GSK3B: variants seen among roughly 807,000 people sequenced by gnomAD.
GSK3B encodes the protein glycogen synthase kinase 3 beta.
In GSK3B, 15 loss-of-function variants were observed where a neutral mutation model predicts 56.4. That is an observed-to-expected ratio of 0.27 (90% CI 0.18 to 0.41). The LOEUF is 0.41. GSK3B is among the 10% of genes least tolerant of loss of function. The pLI, the probability that GSK3B is intolerant of heterozygous loss-of-function variation, is 1.00. For missense variants in GSK3B, 300 were observed against 513.4 expected (o/e 0.58, Z 4.02); for synonymous variants, 181 against 188.9 (o/e 0.96, Z 0.34).
intron 1 of GSK3B, among the ~76,000 whole-genome samples, chr3:120,089,291 T>A (rs139645731): frequency 1.5e-3 from 232 of 152,352 alleles, no homozygotes; most frequent in Middle Eastern, 3.4e-3. Flanking sequence ...CAAGAAAGCA[T>A]GCAATTCTTA....
chr3:120,072,184 A>G (rs996415231), intron 1 of GSK3B, among the ~76,000 whole-genome samples: 4 of 152,214 alleles, frequency 2.6e-5, no homozygotes, highest in African/African-American at 9.7e-5. Context: ...ACACTCATCA[A>G]CTAAGAAAAG....
At chr3:120,033,404 T>C (rs1400853948) in intron 1 of GSK3B, among the ~76,000 whole-genome samples, 1 of 152,232 alleles carries the variant, frequency 6.6e-6, no homozygotes, top group African/African-American at 2.4e-5. Flanking sequence ...CAGATTGTTT[T>C]CCAAAACAGC....
chr3:120,066,177 A>G (rs2058277044), intron 1 of GSK3B, among the ~76,000 whole-genome samples: 1 of 152,178 alleles, frequency 6.6e-6, no homozygotes, highest in South Asian at 2.1e-4. Context: ...GTCCACTAAA[A>G]GATCCTAAAA....
chr3:120,088,461 C>T (rs1175915531), intron 1 of GSK3B, among the ~76,000 whole-genome samples: 1 of 152,162 alleles, frequency 6.6e-6, no homozygotes, highest in Non-Finnish European at 1.5e-5. Flanking sequence ...TTATACATTA[C>T]ACTCAACAAA....
chr3:119,928,935 A>G (rs1462235508), intron 3 of GSK3B, among the ~76,000 whole-genome samples: 12 of 152,188 alleles, frequency 7.9e-5, no homozygotes, highest in Admixed American at 7.2e-4. Flanking sequence ...TACCTAACAC[A>G]CAATAAAGAC....
intron 1 of GSK3B, among the ~76,000 whole-genome samples, chr3:120,057,700 A>C (rs1240506695): frequency 6.6e-6 from 1 of 152,202 alleles, no homozygotes; most frequent in African/African-American, 2.4e-5. Flanking sequence ...TGTGCCTAGA[A>C]ATTTTAGGTA....
At chr3:120,078,394 G>T (rs913454031) in intron 1 of GSK3B, among the ~76,000 whole-genome samples, 7 of 152,040 alleles carry the variant, frequency 4.6e-5, no homozygotes, top group African/African-American at 1.7e-4. Context: ...CTGTCTCTGG[G>T]TCTTCTTTTC....
chr3:119,902,638 C>G (rs1402618065), intron 7 of GSK3B, among the ~76,000 whole-genome samples: 2 of 152,182 alleles, frequency 1.3e-5, no homozygotes, highest in African/African-American at 4.8e-5. Context: ...CTCAAGTGAT[C>G]TGCGCACCTC....
rs544870502 is a variant in GSK3B, at chr3:120,051,013, T to C, written c.88+42334A>G. Among the ~76,000 whole-genome samples, 3 of 152,238 alleles carry C rather than the reference T, an allele frequency of 2.0e-5. No individual in the cohort carries two copies. The South Asian group carries it at 6.2e-4, about 32-fold the overall frequency. On this transcript the variant is annotated intron_variant, in intron 1 of 10. Transcript: ENST00000264235. ...GAAAAGCAGTTTGAGTGAAGTGTTA[T>C]GGGTCACTGTAGCTAAATTAAACTA...
intron 7 of GSK3B, among the ~76,000 whole-genome samples, chr3:119,888,631 CA>C (rs2056466824): frequency 6.6e-6 from 1 of 152,024 alleles, no homozygotes; most frequent in Non-Finnish European, 1.5e-5. Flanking sequence ...AACAGAATAA[CA>C]GCAATTTTCA....
chr3:119,896,921 C>T (rs891112899), intron 7 of GSK3B, among the ~76,000 whole-genome samples: 2 of 152,094 alleles, frequency 1.3e-5, no homozygotes, highest in African/African-American at 4.8e-5. Context: ...CAACCCTGCA[C>T]AAGAATCTGC....
intron 1 of GSK3B, among the ~76,000 whole-genome samples, chr3:120,088,738 G>A (rs1418583515): frequency 6.6e-6 from 1 of 152,168 alleles, no homozygotes; most frequent in African/African-American, 2.4e-5. Context: ...GGGGAACCCG[G>A]TTGGTCCTGT....
chr3:119,946,221 G>A (rs770250822), intron 3 of GSK3B, among the ~76,000 whole-genome samples: 7 of 151,638 alleles, frequency 4.6e-5, no homozygotes, highest in Admixed American at 6.6e-5. Context: ...ATCAAAATTC[G>A]GGCTTAATAC....
Position 119,821,440 on chromosome 3 carries a change from A to T in GSK3B, c.*5348T>A, listed in dbSNP as rs981764346. 1 of 152,212 alleles carries T rather than the reference A, an allele frequency of 6.6e-6. No homozygotes were observed. The highest frequency in any genetic ancestry group is 2.4e-5 in the African/African-American group (1 of 41,432). 9.4% of individuals were successfully genotyped at this position (152,212 alleles called of 1,614,324 possible). ...ATGATGTTTCTTTTTGCACTAAGAGACATAACATGTTTACATACATCATCC... is the reference window on the plus strand; with the variant it reads ...ATGATGTTTCTTTTTGCACTAAGAGTCATAACATGTTTACATACATCATCC... On this transcript the variant is annotated 3_prime_UTR_variant, in exon 11 of 11. Coordinates refer to ENST00000264235, the MANE Select transcript of GSK3B (RefSeq NM_001146156.2).
chr3:119,967,473 A>C (rs2057327985), intron 2 of GSK3B, among the ~76,000 whole-genome samples: 1 of 152,230 alleles, frequency 6.6e-6, no homozygotes, highest in Non-Finnish European at 1.5e-5. Context: ...TCTTGTAAAG[A>C]AGAAGTTGGA....
chr3:120,028,251 T>A (rs2057944511), intron 1 of GSK3B, among the ~76,000 whole-genome samples: 1 of 152,190 alleles, frequency 6.6e-6, no homozygotes, highest in Non-Finnish European at 1.5e-5. Context: ...GACTGTCCAT[T>A]TAAATAACAA....
At chr3:119,988,072 A>G (rs746198108) in intron 2 of GSK3B, among the ~76,000 whole-genome samples, 1 of 152,228 alleles carries the variant, frequency 6.6e-6, no homozygotes, top group Non-Finnish European at 1.5e-5. Flanking sequence ...ATAATCAGCT[A>G]TAAAGCTCTA....
intron 9 of GSK3B, among the ~76,000 whole-genome samples, chr3:119,859,746 G>C (rs1045570328): frequency 6.6e-6 from 1 of 151,306 alleles, no homozygotes. Flanking sequence ...TGCTTTTCTC[G>C]TGTCCAGATA....
chr3:119,981,002 A>G (rs192693200), intron 2 of GSK3B, among the ~76,000 whole-genome samples: 8 of 152,350 alleles, frequency 5.3e-5, no homozygotes, highest in Admixed American at 5.2e-4. Flanking sequence ...TGTATAATTT[A>G]AAAGTAATTA....
Sources: gnomAD v4.1 joint callset for allele counts (sites outside exome capture counted in the v4.1 genomes callset) on GRCh38, gnomAD v4.1.1 for gene constraint, MANE v1.5 for transcripts, NCBI Gene and HGNC (gene_info 2026-07-23, HGNC 2026-07-21) for gene names.